The following FBXL7 variants were observed in gnomAD, a reference collection of about 807,000 sequenced individuals.
The protein encoded by FBXL7 is F-box/LRR-repeat protein 7.
Under a neutral mutation model 38.3 loss-of-function variants are expected in FBXL7, and 12 were observed. That is an observed-to-expected ratio of 0.31 (90% CI 0.20 to 0.51). The LOEUF (loss-of-function observed/expected upper bound fraction) is 0.51. Ranked by LOEUF, FBXL7 falls within the 20% of genes least tolerant of loss-of-function variation. The probability of loss-of-function intolerance (pLI) is 0.98; values close to 1 mark genes in which losing one functional copy is unlikely to be tolerated. For missense variants in FBXL7, 567 were observed against 676.4 expected, an observed-to-expected ratio of 0.84 and a Z score of 1.79; for synonymous variants, 297 against 300.9, an observed-to-expected ratio of 0.99 and a Z score of 0.13.
chr5:15,522,124 T>C (rs1330693020), intron 1 of FBXL7, among the ~76,000 whole-genome samples: 1 of 152,192 alleles, frequency 6.6e-6, no homozygotes, highest in African/African-American at 2.4e-5. Context: ...GTTTAAAACT[T>C]TGGGCATGAC....
At chr5:15,637,326 C>T (rs1489904986) in intron 2 of FBXL7, among the ~76,000 whole-genome samples, 1 of 152,182 alleles carries the variant, frequency 6.6e-6, no homozygotes, top group East Asian at 1.9e-4. Context: ...CAGAATACCA[C>T]ATCTTTGGGG....
chr5:15,884,275 C>T lies in FBXL7; in HGVS notation c.128-43615C>T, dbSNP rs200548529. 1.4e-4 allele frequency among the ~76,000 whole-genome samples: 15 copies of T among 106,622 alleles called. 1 individual carries two copies. Among genetic ancestry groups the T allele is most frequent in the African/African-American group, 5.4e-4 (15 of 27,596 alleles). 69.9% of individuals were successfully genotyped at this position (106,622 alleles called of 152,430 possible). On this transcript the variant is annotated intron_variant, in intron 2 of 3. Coordinates refer to ENST00000504595, the MANE Select transcript of FBXL7 (RefSeq NM_012304.5). ...TTCTTTCTTTCTTTCTTTCTTTCTT[C>T]TTTTTTTTTGAGATGGAGTCTCGCT...
At chr5:15,828,273 G>C (rs1234013031) in intron 2 of FBXL7, among the ~76,000 whole-genome samples, 1 of 152,178 alleles carries the variant, frequency 6.6e-6, no homozygotes, top group Non-Finnish European at 1.5e-5. Context: ...AGAATTGCCA[G>C]ACTTAGCAAA....
chr5:15,532,716 C>A (rs917056908), intron 1 of FBXL7, among the ~76,000 whole-genome samples: 1 of 152,174 alleles, frequency 6.6e-6, no homozygotes, highest in Non-Finnish European at 1.5e-5. Flanking sequence ...AGATCCCTAG[C>A]CAGAGAACAG....
chr5:15,543,974 T>TAA (rs1364919527), intron 1 of FBXL7, among the ~76,000 whole-genome samples: 1 of 152,174 alleles, frequency 6.6e-6, no homozygotes, highest in African/African-American at 2.4e-5. Context: ...TAGGACCAGC[T>TAA]AAAACAGGGT....
chr5:15,603,141 T>C (rs1311400651), intron 1 of FBXL7, among the ~76,000 whole-genome samples: 2 of 152,222 alleles, frequency 1.3e-5, no homozygotes, highest in African/African-American at 4.8e-5. Flanking sequence ...CCCAACCTCA[T>C]ACTGCATTTA....
chr5:15,827,229 T>G (rs985378861), intron 2 of FBXL7, among the ~76,000 whole-genome samples: 2 of 152,158 alleles, frequency 1.3e-5, no homozygotes, highest in African/African-American at 2.4e-5. Context: ...CAATGTGGTT[T>G]TTTTTGTCTG....
intron 2 of FBXL7, among the ~76,000 whole-genome samples, chr5:15,879,212 GC>G (rs1184580497): frequency 6.6e-6 from 1 of 152,184 alleles, no homozygotes; most frequent in Non-Finnish European, 1.5e-5. Context: ...TAAACTGGAA[GC>G]CCAGCATTTA....
chr5:15,578,112 A>T (rs142986818), intron 1 of FBXL7, among the ~76,000 whole-genome samples: 3 of 152,244 alleles, frequency 2.0e-5, no homozygotes, highest in African/African-American at 7.2e-5. Flanking sequence ...AGAAATATAG[A>T]TGTTAACTGG....
At chr5:15,546,974 A>G (rs1408726045) in intron 1 of FBXL7, among the ~76,000 whole-genome samples, 2 of 152,218 alleles carry the variant, frequency 1.3e-5, no homozygotes, top group Non-Finnish European at 2.9e-5. Flanking sequence ...ATCGTAGTTG[A>G]CACACCAATA....
chr5:15,547,249 A>G (rs1245719583), intron 1 of FBXL7, among the ~76,000 whole-genome samples: 1 of 152,154 alleles, frequency 6.6e-6, no homozygotes, highest in East Asian at 1.9e-4. Flanking sequence ...AATCTTGGGG[A>G]TACCCCCTAA....
chr5:15,729,072 A>G (rs1388319174), intron 2 of FBXL7, among the ~76,000 whole-genome samples: 1 of 152,152 alleles, frequency 6.6e-6, no homozygotes, highest in Non-Finnish European at 1.5e-5. Flanking sequence ...TGAGAAAAGG[A>G]ACTTCTACAC....
In FBXL7 at chr5:15,936,466, C is replaced by T; in HGVS notation, c.756C>T (p.Thr252=). Residue 252 remains threonine (T), a synonymous_variant, in exon 4 of 4, where the codon ACC becomes ACT. Transcript: ENST00000504595. This position sits in a 1 kb window ranked among gnomAD's most constrained non-coding sequence, Gnocchi z 6.0. ...TTTGTGCAGGATGCTCCAAAGTGAC[C>T]TGCATCAGCTTGACCCGGGAGGCCT... ...HLDVSGCSKV[T]CISLTREASI... The T allele has an allele frequency of 6.2e-7, 1 of 1,612,978 alleles. No individual in the cohort carries two copies. Among genetic ancestry groups the T allele is most frequent in the Non-Finnish European group, 8.5e-7 (1 of 1,179,810 alleles).
intron 3 of FBXL7, among the ~76,000 whole-genome samples, chr5:15,933,440 T>G (rs1207275565): frequency 6.6e-6 from 1 of 152,148 alleles, no homozygotes; most frequent in Non-Finnish European, 1.5e-5. Context: ...AAAAACAAAG[T>G]GTCTTTATAG....
intron 1 of FBXL7, among the ~76,000 whole-genome samples, chr5:15,527,105 C>T (rs530953913): frequency 4.6e-5 from 7 of 152,298 alleles, no homozygotes; most frequent in African/African-American, 1.4e-4. Context: ...GAATAGAAAA[C>T]GTACACTGTT....
At chr5:15,869,612 C>T (rs2126822198) in intron 2 of FBXL7, among the ~76,000 whole-genome samples, 1 of 152,208 alleles carries the variant, frequency 6.6e-6, no homozygotes, top group South Asian at 2.1e-4. Flanking sequence ...TTAGGGATCC[C>T]TAAATAGAGA....
chr5:15,702,251 AAAT>A (rs1743549653), intron 2 of FBXL7, among the ~76,000 whole-genome samples: 1 of 152,024 alleles, frequency 6.6e-6, no homozygotes. Flanking sequence ...AAAAAAAAAA[AAAT>A]TCACAGCTCT....
intron 1 of FBXL7, among the ~76,000 whole-genome samples, chr5:15,565,750 C>T (rs886497396): frequency 3.3e-5 from 5 of 152,082 alleles, no homozygotes; most frequent in African/African-American, 1.2e-4. Flanking sequence ...AGTGTGAAGG[C>T]ATGAAAGAAC....
chr5:15,809,323 G>C (rs1737793784), intron 2 of FBXL7, among the ~76,000 whole-genome samples: 1 of 152,104 alleles, frequency 6.6e-6, no homozygotes, highest in African/African-American at 2.4e-5. Flanking sequence ...TGCTTAATTA[G>C]GAAATGATCA....
Sources: allele counts gnomAD v4.1 joint callset (sites outside exome capture counted in the v4.1 genomes callset), GRCh38; gene constraint gnomAD v4.1.1; non-coding constraint Gnocchi (gnomAD v3.1); transcripts MANE v1.5; gene names NCBI Gene and HGNC (gene_info 2026-07-23, HGNC 2026-07-21).